The following FBXW11 variants were observed in gnomAD, a reference collection of about 807,000 sequenced individuals.
FBXW11 encodes the protein F-box and WD repeat domain containing 11.
FBXW11 carries 19 observed loss-of-function variants against 77.6 expected under a neutral mutation model. The ratio of observed to expected loss-of-function variants is 0.24; its 90% CI spans 0.17 to 0.36. The LOEUF is 0.36. FBXW11 is among the 10% of genes least tolerant of loss of function. The pLI is 1.00. For missense variants in FBXW11, 334 were observed against 704.2 expected, an observed-to-expected ratio of 0.47 and a Z score of 5.95; for synonymous variants, 235 against 249.4, an observed-to-expected ratio of 0.94 and a Z score of 0.54.
intron 1 of FBXW11, chr5:171,996,745 T>C (rs1766077641): frequency 2.0e-6 from 1 of 505,570 alleles, no homozygotes; most frequent in Non-Finnish European, 3.1e-6. Context: ...CACTCAAACA[T>C]GGCCAAACAT....
chr5:171,928,893 T>C (rs1762021030), intron 2 of FBXW11, among the ~76,000 whole-genome samples: 1 of 140,486 alleles, frequency 7.1e-6, no homozygotes, highest in Non-Finnish European at 1.6e-5. Context: ...GCCAATGCAG[T>C]CAACCCCCGT....
intron 1 of FBXW11, among the ~76,000 whole-genome samples, chr5:171,990,607 G>A (rs1006517502): frequency 6.6e-6 from 1 of 151,964 alleles, no homozygotes; most frequent in African/African-American, 2.4e-5. Context: ...CCCAAATTAT[G>A]GCATATTTGT....
Position 171,989,001 on chromosome 5 carries a change from A to T in FBXW11, c.45+17457T>A, listed in dbSNP as rs1344841282. ...AGACCAGCCTGGCCAACATGGCAAAACCCTGTCTCTACTAAAAATATGAAA... is the reference window on the plus strand; with the variant it reads ...AGACCAGCCTGGCCAACATGGCAAATCCCTGTCTCTACTAAAAATATGAAA... On this transcript the variant is annotated intron_variant, in intron 1 of 13. Transcript: ENST00000517395. Among the ~76,000 whole-genome samples, 4 of 151,908 alleles carry T rather than the reference A, an allele frequency of 2.6e-5. No individual in the cohort carries two copies. In the South Asian group the frequency reaches 8.3e-4, roughly 32 times the overall value.
At chr5:172,006,211 C>A (rs1766755643) in intron 1 of FBXW11, among the ~76,000 whole-genome samples, 1 of 152,130 alleles carries the variant, frequency 6.6e-6, no homozygotes, top group African/African-American at 2.4e-5. Flanking sequence ...GAGCTGGGAC[C>A]GGAGACGGGA....
At chr5:171,916,263 A>AT (rs1227022901) in intron 2 of FBXW11, among the ~76,000 whole-genome samples, 1 of 151,504 alleles carries the variant, frequency 6.6e-6, no homozygotes, top group South Asian at 2.1e-4. Flanking sequence ...AGAAAAAAAA[A>AT]AAAAAAGATG....
At chr5:171,882,732 T>C (rs1758602578) in intron 7 of FBXW11, among the ~76,000 whole-genome samples, 1 of 152,174 alleles carries the variant, frequency 6.6e-6, no homozygotes, top group Non-Finnish European at 1.5e-5. Flanking sequence ...TTCTAGTTTA[T>C]ATCCACTGTG....
At position 171,868,688 on chromosome 5, in the gene FBXW11, C is replaced by G. The variant is rs139563514; in HGVS notation, c.1639G>C (p.Ala547Pro). Residue 547 changes from alanine (A) to proline (P), a missense_variant, in exon 13 of 14, where the codon GCC becomes CCC. Coordinates refer to ENST00000517395, the MANE Select transcript of FBXW11 (RefSeq NM_001378974.1). ...IWDFLNVPPS[A>P]QNETRSPSRT... ...GAGGGAGAACGGGTCTCATTCTGGG[C>G]ACTGGGAGGCACATTTAAGAAATCC... The G allele has an allele frequency of 6.8e-6, 11 of 1,613,880 alleles. No homozygotes were observed. Among genetic ancestry groups the G allele is most frequent in the Non-Finnish European group, 9.3e-6 (11 of 1,179,882 alleles).
intron 6 of FBXW11, among the ~76,000 whole-genome samples, chr5:171,892,534 G>GT (rs768782813): frequency 2.6e-5 from 4 of 152,024 alleles, no homozygotes; most frequent in African/African-American, 4.8e-5. Context: ...CACACAGAAC[G>GT]TAAGAAGATC....
intron 2 of FBXW11, among the ~76,000 whole-genome samples, chr5:171,920,127 C>T (rs546091381): frequency 6.6e-6 from 1 of 152,096 alleles, no homozygotes; most frequent in Non-Finnish European, 1.5e-5. Flanking sequence ...CGCACCACTG[C>T]ACTCCAGTCT....
chr5:171,998,148 T>A (rs977825078), intron 1 of FBXW11, among the ~76,000 whole-genome samples: 5 of 152,080 alleles, frequency 3.3e-5, no homozygotes, highest in African/African-American at 1.2e-4. Flanking sequence ...CAAGCTTTAC[T>A]CTCAAAGGTC....
At chr5:171,956,864 T>C (rs1763639325) in intron 2 of FBXW11, among the ~76,000 whole-genome samples, 2 of 152,208 alleles carry the variant, frequency 1.3e-5, no homozygotes, top group African/African-American at 4.8e-5. Flanking sequence ...GAAATAAAGC[T>C]ACAATGTTTT....
At chr5:171,868,898 G>C in intron 12 of FBXW11, 102 bp from the exon 13 acceptor site, 4 of 1,041,382 alleles carry the variant, frequency 3.8e-6, no homozygotes, top group Non-Finnish European at 2.8e-6. Flanking sequence ...CACTTAAACA[G>C]ACTTCCTAAA....
chr5:171,877,627 A>G (rs1001114222), intron 8 of FBXW11, among the ~76,000 whole-genome samples: 7 of 152,106 alleles, frequency 4.6e-5, no homozygotes, highest in Non-Finnish European at 8.8e-5. Flanking sequence ...AGTCCAGGAG[A>G]GGATACTAAG....
intron 9 of FBXW11, among the ~76,000 whole-genome samples, chr5:171,875,218 T>C (rs1044172240): frequency 4.0e-5 from 6 of 149,100 alleles, no homozygotes; most frequent in Admixed American, 1.3e-4. Flanking sequence ...AAGACTAGTC[T>C]GGGCAATAAA....
intron 2 of FBXW11, among the ~76,000 whole-genome samples, chr5:171,940,718 T>A (rs141159254): frequency 1.4e-4 from 21 of 152,166 alleles, no homozygotes; most frequent in African/African-American, 5.1e-4. Flanking sequence ...TGAAACCCCG[T>A]CTGTACTAAA....
intron 1 of FBXW11, among the ~76,000 whole-genome samples, chr5:171,979,658 TA>T (rs1765039764): frequency 6.6e-6 from 1 of 152,144 alleles, no homozygotes; most frequent in South Asian, 2.1e-4. Context: ...ACCGCAACCA[TA>T]AAAAACAATT....
chr5:171,959,358 A>C (rs962838051), intron 1 of FBXW11, among the ~76,000 whole-genome samples: 1 of 152,154 alleles, frequency 6.6e-6, no homozygotes, highest in South Asian at 2.1e-4. Context: ...GTTGCCATTT[A>C]TCAAGCTTCT....
chr5:171,900,046 G>A lies in FBXW11; in HGVS notation c.491C>T (p.Ser164Phe). 1 of 1,613,596 alleles carries A rather than the reference G, an allele frequency of 6.2e-7. No individual in the cohort carries two copies. Among genetic ancestry groups the A allele is most frequent in the South Asian group, 1.1e-5 (1 of 91,000 alleles). Residue 164 changes from serine to phenylalanine, a missense_variant, in exon 5 of 14, where the codon TCT (serine) becomes TTT (phenylalanine). Physicochemically the swap from Ser to Phe is radical, Grantham distance 155. Coordinates refer to ENST00000517395, the MANE Select transcript of FBXW11 (RefSeq NM_001378974.1). ...ACATACCAGCTCTGCTGCACACAGA[G>A]ACCTGGCATCCAGGTACGAAAGAAT... ...ENILSYLDARSLCAAELVCKE... is the reference protein window; with the variant it reads ...ENILSYLDARFLCAAELVCKE...
chr5:171,900,506 C>T (rs556672764), intron 4 of FBXW11, among the ~76,000 whole-genome samples: 2 of 152,234 alleles, frequency 1.3e-5, no homozygotes, highest in South Asian at 2.1e-4. Context: ...TACTGGAACT[C>T]GGATTTCTTG....
Sources: gnomAD v4.1 joint callset for allele counts (sites outside exome capture counted in the v4.1 genomes callset) on GRCh38, gnomAD v4.1.1 for gene constraint, MANE v1.5 for transcripts, NCBI Gene and HGNC (gene_info 2026-07-23, HGNC 2026-07-21) for gene names.